Variants in RREB1 observed in about 807,000 individuals in gnomAD.
RREB1 encodes ras-responsive element-binding protein 1.
RREB1 carries 27 observed loss-of-function variants against 117.8 expected under a neutral mutation model. That is an observed-to-expected ratio of 0.23 (90% CI 0.17 to 0.32). The LOEUF (loss-of-function observed/expected upper bound fraction) is 0.32, where lower values mean the gene tolerates loss of function less well. Ranked by LOEUF, RREB1 falls within the 10% of genes least tolerant of loss-of-function variation. The probability of loss-of-function intolerance (pLI) is 1.00; values close to 1 mark genes in which losing one functional copy is unlikely to be tolerated. For missense variants in RREB1, 2,577 were observed against 2,378.2 expected, an observed-to-expected ratio of 1.08 and a Z score of -1.74; for synonymous variants, 1,298 against 1,026.7, an observed-to-expected ratio of 1.26 and a Z score of -5.05.
chr6:7,139,980 A>G (rs999268552), intron 1 of RREB1, among the ~76,000 whole-genome samples: 1 of 152,244 alleles, frequency 6.6e-6, no homozygotes, highest in Non-Finnish European at 1.5e-5. Flanking sequence ...AACTACTTTT[A>G]TCAGAGCTTG....
Position 7,181,908 on chromosome 6 carries a change from C to T in RREB1, c.-4C>T. On this transcript the variant is annotated 5_prime_UTR_variant, in exon 4 of 13. Coordinates refer to ENST00000379938, the MANE Select transcript of RREB1 (RefSeq NM_001003699.4). ...GCTTCTTAGAAGCTTAAACCCCTGT[C>T]CCAATGACGTCAAGTTCGCCCGCTG... The T allele has an allele frequency of 6.2e-7, 1 of 1,614,214 alleles. No individual in the cohort carries two copies. The highest frequency in any genetic ancestry group is 1.6e-4 in the Middle Eastern group (1 of 6,062).
chr6:7,199,552 CTTA>C (rs1561776424), intron 6 of RREB1, among the ~76,000 whole-genome samples: 3 of 152,150 alleles, frequency 2.0e-5, no homozygotes, highest in Admixed American at 6.5e-5. Flanking sequence ...TGTGCAAATC[CTTA>C]TTATTTGAAC....
At chr6:7,109,141 C>G (rs2113264721) in intron 1 of RREB1, among the ~76,000 whole-genome samples, 1 of 151,868 alleles carries the variant, frequency 6.6e-6, no homozygotes, top group Non-Finnish European at 1.5e-5. Context: ...CGCTCGGAAA[C>G]TTTTGTCCGC....
intron 1 of RREB1, among the ~76,000 whole-genome samples, chr6:7,144,060 T>C (rs1289196788): frequency 2.0e-5 from 3 of 148,032 alleles, no homozygotes; most frequent in African/African-American, 5.0e-5. Flanking sequence ...TGTGGCTTGG[T>C]TTTGCACACT....
At chr6:7,216,790 G>T (rs1313726745) in intron 8 of RREB1, 2 of 152,364 alleles carry the variant, frequency 1.3e-5, no homozygotes, top group Non-Finnish European at 2.9e-5. Context: ...ACTTCCGGGG[G>T]CTATGAACAG....
At chr6:7,204,634 G>A (rs1419449919) in intron 6 of RREB1, among the ~76,000 whole-genome samples, 1 of 152,188 alleles carries the variant, frequency 6.6e-6, no homozygotes, top group Non-Finnish European at 1.5e-5. Flanking sequence ...CAGGTCCTGG[G>A]CCGTGCTGTG....
chr6:7,227,004 G>C (rs1767622677), intron 9 of RREB1, among the ~76,000 whole-genome samples: 1 of 152,186 alleles, frequency 6.6e-6, no homozygotes, highest in South Asian at 2.1e-4. Flanking sequence ...ACTTTGTGAG[G>C]CCAAGGCAGG....
chr6:7,223,570 A>C (rs1471308956), intron 8 of RREB1, among the ~76,000 whole-genome samples: 1 of 151,932 alleles, frequency 6.6e-6, no homozygotes, highest in African/African-American at 2.4e-5. Context: ...TCAAAAAAAA[A>C]AAAAAGGTGA....
At chr6:7,175,112 C>CT (rs1000167710) in intron 1 of RREB1, among the ~76,000 whole-genome samples, 15 of 151,680 alleles carry the variant, frequency 9.9e-5, no homozygotes, top group African/African-American at 2.2e-4. Flanking sequence ...AGAATAACTG[C>CT]TTTTTTTTAA....
rs1180637674 is a variant in RREB1 at position 7,246,305 on chromosome 6, C to T, written c.3974-119C>T. ...GGTGAGGATTTGGGCCGAAAGAAGT[C>T]CTCACTGGTTTGGGGTTCAGGCTGC... On this transcript the variant is annotated intron_variant, in intron 11 of 12. Coordinates refer to ENST00000379938, the MANE Select transcript of RREB1 (RefSeq NM_001003699.4). 5 of 839,148 alleles carry T rather than the reference C, an allele frequency of 6.0e-6. No homozygotes were observed. The East Asian group carries it at 1.2e-4, about 20-fold the overall frequency. The allele number at this position is 839,148 out of a possible 1,614,324, so 52.0% of individuals were successfully genotyped here.
chr6:7,239,842 G>C (rs115593079), intron 10 of RREB1, among the ~76,000 whole-genome samples: 5 of 152,334 alleles, frequency 3.3e-5, no homozygotes, highest in Admixed American at 6.5e-5. Flanking sequence ...AGGATGTCTC[G>C]GCAAGTCAGA....
At chr6:7,200,809 T>TA (rs1490801187) in intron 6 of RREB1, among the ~76,000 whole-genome samples, 1 of 152,266 alleles carries the variant, frequency 6.6e-6, no homozygotes, top group Non-Finnish European at 1.5e-5. Context: ...ATTAGTTTTT[T>TA]ATCATTTGGC....
At chr6:7,141,895 T>C (rs1205213861) in intron 1 of RREB1, among the ~76,000 whole-genome samples, 2 of 152,186 alleles carry the variant, frequency 1.3e-5, no homozygotes, top group Non-Finnish European at 2.9e-5. Flanking sequence ...GCCTCTCCTT[T>C]CTAAAAGGAG....
At chr6:7,160,917 C>T (rs182658514) in intron 1 of RREB1, among the ~76,000 whole-genome samples, 56 of 152,264 alleles carry the variant, frequency 3.7e-4, no homozygotes, top group Non-Finnish European at 7.1e-4. Flanking sequence ...ATCTCCTGAC[C>T]TCGTGATCCA....
intron 1 of RREB1, among the ~76,000 whole-genome samples, chr6:7,132,041 T>A (rs1321058059): frequency 1.3e-5 from 2 of 152,056 alleles, no homozygotes; most frequent in Non-Finnish European, 2.9e-5. Flanking sequence ...GTATTTTTAG[T>A]AAAGATCGGG....
At chr6:7,143,102 A>G (rs1361695634) in intron 1 of RREB1, among the ~76,000 whole-genome samples, 2 of 152,250 alleles carry the variant, frequency 1.3e-5, no homozygotes, top group East Asian at 3.8e-4. Flanking sequence ...ATACAGCTAA[A>G]AGGGTTAGGA....
intron 1 of RREB1, among the ~76,000 whole-genome samples, chr6:7,109,525 C>T (rs1312096791): frequency 6.7e-6 from 1 of 150,042 alleles, no homozygotes; most frequent in Non-Finnish European, 1.5e-5. Flanking sequence ...CCGGGCGGGG[C>T]GGGGAGCTGG....
chr6:7,195,188 T>C (rs1765606270), intron 6 of RREB1, among the ~76,000 whole-genome samples: 1 of 151,814 alleles, frequency 6.6e-6, no homozygotes, highest in South Asian at 2.1e-4. Flanking sequence ...CTACACTTAA[T>C]CTGTAATTTA....
intron 6 of RREB1, among the ~76,000 whole-genome samples, chr6:7,200,242 A>T (rs867992461): frequency 9.6e-6 from 1 of 104,420 alleles, no homozygotes. Flanking sequence ...GTATGTGTGT[A>T]TATGTGTGTG....
Sources: gnomAD v4.1 joint callset for allele counts (sites outside exome capture counted in the v4.1 genomes callset) on GRCh38, gnomAD v4.1.1 for gene constraint, MANE v1.5 for transcripts, NCBI Gene and HGNC (gene_info 2026-07-23, HGNC 2026-07-21) for gene names.